The following SRBD1 variants were observed in gnomAD, a reference collection of about 807,000 sequenced individuals.
SRBD1 encodes S1 RNA-binding domain-containing protein 1.
In SRBD1, 88 loss-of-function variants were observed where a neutral mutation model predicts 115.3. The ratio of observed to expected loss-of-function variants is 0.76; its 90% CI spans 0.64 to 0.91. SRBD1 has a LOEUF of 0.91. Ranked by LOEUF, SRBD1 falls within the 40% of genes least tolerant of loss-of-function variation. The pLI is 0.00. For synonymous variants in SRBD1, 509 were observed against 407.7 expected, an observed-to-expected ratio of 1.25 and a Z score of -2.99; for missense variants, 1,385 against 1,177.4, an observed-to-expected ratio of 1.18 and a Z score of -2.58.
At chr2:45,526,024 A>G (rs1225169100) in intron 14 of SRBD1, among the ~76,000 whole-genome samples, 1 of 152,066 alleles carries the variant, frequency 6.6e-6, no homozygotes, top group Admixed American at 6.6e-5. Flanking sequence ...GGGAATGCAG[A>G]AGAGTGCCAC....
intron 14 of SRBD1, among the ~76,000 whole-genome samples, chr2:45,544,305 T>A (rs1437230439): frequency 6.6e-6 from 1 of 151,530 alleles, no homozygotes; most frequent in Non-Finnish European, 1.5e-5. Flanking sequence ...ACACTTAACA[T>A]ATTTACTACA....
intron 1 of SRBD1, among the ~76,000 whole-genome samples, chr2:45,605,962 T>A (rs929219078): frequency 6.6e-6 from 1 of 150,498 alleles, no homozygotes; most frequent in Admixed American, 6.6e-5. Context: ...GGTTTAAAAC[T>A]CTTAAGAGTA....
At chr2:45,399,928 A>C (rs1368838819) in intron 19 of SRBD1, among the ~76,000 whole-genome samples, 1 of 152,204 alleles carries the variant, frequency 6.6e-6, no homozygotes, top group Non-Finnish European at 1.5e-5. Flanking sequence ...AAAAAGTAGT[A>C]TTTAAAAACA....
chr2:45,449,210 T>C (rs1310487810), intron 16 of SRBD1, among the ~76,000 whole-genome samples: 2 of 152,188 alleles, frequency 1.3e-5, no homozygotes, highest in Non-Finnish European at 2.9e-5. Context: ...TAAGACATAA[T>C]GCTCAAAAGA....
intron 14 of SRBD1, among the ~76,000 whole-genome samples, chr2:45,509,515 G>T (rs2103919530): frequency 6.6e-6 from 1 of 151,302 alleles, no homozygotes; most frequent in Non-Finnish European, 1.5e-5. Flanking sequence ...AGAATGGCGT[G>T]AACCCAGGAG....
chr2:45,505,516 T>C (rs1287622968), intron 14 of SRBD1, among the ~76,000 whole-genome samples: 1 of 152,210 alleles, frequency 6.6e-6, no homozygotes, highest in Non-Finnish European at 1.5e-5. Flanking sequence ...CCTGTGTGTA[T>C]AATTTGGTCA....
chr2:45,480,333 G>A (rs1365496295), intron 15 of SRBD1, among the ~76,000 whole-genome samples: 1 of 152,074 alleles, frequency 6.6e-6, no homozygotes. Flanking sequence ...GAAAATCTTT[G>A]GAAAAGGATT....
At chr2:45,456,679 T>A (rs945586241) in intron 16 of SRBD1, among the ~76,000 whole-genome samples, 1 of 151,902 alleles carries the variant, frequency 6.6e-6, no homozygotes, top group African/African-American at 2.4e-5. Flanking sequence ...AATTTTAATT[T>A]GTTTTCATTT....
At chr2:45,513,125 C>G (rs1458824215) in intron 14 of SRBD1, among the ~76,000 whole-genome samples, 8 of 152,156 alleles carry the variant, frequency 5.3e-5, no homozygotes. Flanking sequence ...AAACTCTTTC[C>G]TTCCTGGCCC....
chr2:45,545,039 G>C (rs574460065), intron 14 of SRBD1, among the ~76,000 whole-genome samples: 8 of 151,984 alleles, frequency 5.3e-5, no homozygotes, highest in Non-Finnish European at 1.2e-4. Flanking sequence ...GCAGCACTTT[G>C]GGAGGCTGAG....
At chr2:45,393,223 A>C (rs1022661403) in intron 19 of SRBD1, 94 bp from the exon 20 acceptor site, 2 of 1,253,872 alleles carry the variant, frequency 1.6e-6, no homozygotes, top group Non-Finnish European at 1.1e-6. Context: ...TTCATCTTAG[A>C]CCCATAGGTC....
At chr2:45,550,819 A>C (rs1424069191) in intron 12 of SRBD1, among the ~76,000 whole-genome samples, 1 of 152,236 alleles carries the variant, frequency 6.6e-6, no homozygotes, top group Non-Finnish European at 1.5e-5. Context: ...TGCATCATAT[A>C]TAAATGCATC....
chr2:45,459,493 G>A (rs555882082), intron 16 of SRBD1, among the ~76,000 whole-genome samples: 1 of 152,112 alleles, frequency 6.6e-6, no homozygotes, highest in Non-Finnish European at 1.5e-5. Context: ...ATGACCTTGA[G>A]GGTCCCTTGT....
chr2:45,489,735 T>C (rs763247453), intron 14 of SRBD1, among the ~76,000 whole-genome samples: 22 of 152,134 alleles, frequency 1.4e-4, no homozygotes, highest in Non-Finnish European at 2.2e-4. Context: ...CAAGATCATA[T>C]AGCTGGAAAG....
intron 16 of SRBD1, among the ~76,000 whole-genome samples, chr2:45,442,133 C>T (rs115353886): frequency 0.012 from 1,867 of 152,240 alleles, 46 homozygotes; most frequent in African/African-American, 0.041. Flanking sequence ...GATTTAGAAC[C>T]GGTATGCAAA....
chr2:45,586,705 G>A (rs919411088), intron 4 of SRBD1, among the ~76,000 whole-genome samples: 1 of 150,690 alleles, frequency 6.6e-6, no homozygotes, highest in Non-Finnish European at 1.5e-5. Flanking sequence ...CATCACACCT[G>A]GCTAATTTTT....
At chr2:45,607,189 CA>C (rs1368383923) in intron 1 of SRBD1, among the ~76,000 whole-genome samples, 1 of 152,086 alleles carries the variant, frequency 6.6e-6, no homozygotes, top group Non-Finnish European at 1.5e-5. Context: ...CATGAAAGAA[CA>C]GGTAATTGTG....
chr2:45,578,249 G>T (rs1673238548), intron 7 of SRBD1, among the ~76,000 whole-genome samples: 2 of 152,156 alleles, frequency 1.3e-5, no homozygotes, highest in African/African-American at 4.8e-5. Flanking sequence ...AACATATGAT[G>T]ACTGGGCACA....
chr2:45,494,718 T>A (rs1040585272), intron 14 of SRBD1, among the ~76,000 whole-genome samples: 8 of 152,142 alleles, frequency 5.3e-5, no homozygotes, highest in African/African-American at 1.9e-4. Flanking sequence ...ATCTACAATA[T>A]AAAATATGTG....
Sources: allele counts gnomAD v4.1 joint callset (sites outside exome capture counted in the v4.1 genomes callset), GRCh38; gene constraint gnomAD v4.1.1; transcripts MANE v1.5; gene names NCBI Gene and HGNC (gene_info 2026-07-23, HGNC 2026-07-21).